Variants in ANP32B observed in about 807,000 individuals in gnomAD.
ANP32B encodes acidic leucine-rich nuclear phosphoprotein 32 family member B.
ANP32B carries 6 observed loss-of-function variants against 32.2 expected under a neutral mutation model. That is an observed-to-expected ratio of 0.19 (90% CI 0.10 to 0.37). The LOEUF (loss-of-function observed/expected upper bound fraction) is 0.37, where lower values mean the gene tolerates loss of function less well. Ranked by LOEUF, ANP32B falls within the 10% of genes least tolerant of loss-of-function variation. The probability of loss-of-function intolerance (pLI) is 1.00; values close to 1 mark genes in which losing one functional copy is unlikely to be tolerated. For synonymous variants in ANP32B, 98 were observed against 105.8 expected (o/e 0.93, Z 0.45); for missense variants, 204 against 289.2 (o/e 0.71, Z 2.14).
chr9:98,005,383 C>T lies in ANP32B; in HGVS notation c.517+230C>T, dbSNP rs578164851. ...AAAAAAAATTAGCCAGGTGTGGTGG[C>T]GCACACCTGGAGTCTTAGCTACTCA... is the stretch of plus-strand genomic sequence containing the variant. On this transcript the variant is annotated intron_variant, in intron 4 of 6. Transcript: ENST00000339399. 3.2e-4 allele frequency: 98 copies of T among 304,680 alleles called. 1 individual carries two copies. Among genetic ancestry groups the T allele is most frequent in the African/African-American group, 1.4e-3 (61 of 45,020 alleles). The allele number at this position is 304,680 out of a possible 1,614,324, so 18.9% of individuals were successfully genotyped here.
At chr9:97,989,369 G>A (rs114496378) in intron 1 of ANP32B, among the ~76,000 whole-genome samples, 61 of 152,254 alleles carry the variant, frequency 4.0e-4, no homozygotes, top group African/African-American at 1.4e-3. Context: ...AGGTAGTATG[G>A]ATTTTTCATT....
chr9:97,990,196 A>G (rs1827800446), intron 1 of ANP32B, among the ~76,000 whole-genome samples: 1 of 152,224 alleles, frequency 6.6e-6, no homozygotes, highest in African/African-American at 2.4e-5. Context: ...TAAGCCCTAA[A>G]TTCTAACTAC....
chr9:98,012,687 C>A (rs1219891376), intron 6 of ANP32B, among the ~76,000 whole-genome samples: 2 of 152,158 alleles, frequency 1.3e-5, no homozygotes, highest in African/African-American at 4.8e-5. Context: ...TGGCAAGGGT[C>A]CTGTTGGTCT....
At chr9:98,014,392 A>G (rs1466360163) in intron 6 of ANP32B, among the ~76,000 whole-genome samples, 1 of 152,002 alleles carries the variant, frequency 6.6e-6, no homozygotes, top group Non-Finnish European at 1.5e-5. Context: ...TGGGCGACGG[A>G]GCCAGAGTCT....
chr9:97,995,930 TAAAAA>T lies in ANP32B; in HGVS notation c.204+1167_204+1171del, dbSNP rs570340593. On this transcript the variant is annotated intron_variant, in intron 2 of 6. Coordinates refer to ENST00000339399, the MANE Select transcript of ANP32B (RefSeq NM_006401.3). The stretch of plus-strand genomic sequence containing the variant: ...GACAGAGCAAGACTCTGTCTCGATT[TAAAAA>T]AAAAAAAAAAAAAAAAGTATAATAC... Among the ~76,000 whole-genome samples the T allele has an allele frequency of 3.1e-3, 357 of 116,638 alleles. 5 individuals are homozygous for T. The East Asian group carries it at 0.055, about 18-fold the overall frequency. 76.5% of individuals were successfully genotyped at this position (116,638 alleles called of 152,430 possible). A position where few individuals can be genotyped will look rare whatever the true frequency, so the allele number is the denominator to read the frequency against.
chr9:97,990,662 T>C (rs2131582150), intron 1 of ANP32B, among the ~76,000 whole-genome samples: 1 of 152,280 alleles, frequency 6.6e-6, no homozygotes, highest in Non-Finnish European at 1.5e-5. Context: ...AGGTCTCAGG[T>C]ATTCATTTCC....
At chr9:98,014,372 C>T (rs983190960) in intron 6 of ANP32B, among the ~76,000 whole-genome samples, 2 of 151,756 alleles carry the variant, frequency 1.3e-5, no homozygotes, top group Admixed American at 6.6e-5. Context: ...CAAGCCACTG[C>T]ACTCCAGCCT....
intron 1 of ANP32B, among the ~76,000 whole-genome samples, chr9:97,994,248 G>A (rs1030975578): frequency 6.6e-6 from 1 of 152,162 alleles, no homozygotes; most frequent in African/African-American, 2.4e-5. Context: ...TGGGCCTTAA[G>A]GTAGACCCAG....
chr9:97,998,486 A>G (rs1827939908), intron 2 of ANP32B, 70 bp from the exon 3 acceptor site: 2 of 1,489,626 alleles, frequency 1.3e-6, no homozygotes, highest in Non-Finnish European at 9.0e-7. Flanking sequence ...TTTGTTACTT[A>G]CAATACCTTA....
At chr9:98,011,002 C>T (rs1828174021) in intron 4 of ANP32B, among the ~76,000 whole-genome samples, 1 of 152,126 alleles carries the variant, frequency 6.6e-6, no homozygotes, top group Non-Finnish European at 1.5e-5. Context: ...CTTCCCCACT[C>T]CATATAATTT....
At chr9:97,998,997 C>T (rs1189050885) in intron 3 of ANP32B, among the ~76,000 whole-genome samples, 1 of 51,434 alleles carries the variant, frequency 1.9e-5, no homozygotes, top group East Asian at 2.9e-4. Flanking sequence ...TTAGTAGAGA[C>T]GGGGTTTCAC....
chr9:97,991,865 G>A (rs79436956), intron 1 of ANP32B, among the ~76,000 whole-genome samples: 4 of 152,290 alleles, frequency 2.6e-5, no homozygotes, highest in African/African-American at 9.6e-5. Context: ...CACACACTGT[G>A]CTTTCTTAAA....
chr9:97,995,341 A>G (rs528375152), intron 2 of ANP32B, among the ~76,000 whole-genome samples: 9 of 152,322 alleles, frequency 5.9e-5, no homozygotes, highest in African/African-American at 2.2e-4. Context: ...CTAGAGCCAA[A>G]ACTAGAACCC....
At chr9:97,988,837 G>A (rs1433948730) in intron 1 of ANP32B, among the ~76,000 whole-genome samples, 1 of 152,134 alleles carries the variant, frequency 6.6e-6, no homozygotes, top group Non-Finnish European at 1.5e-5. Flanking sequence ...TTGCAAGGAT[G>A]GCAGGAATTA....
At chr9:98,006,688 G>GA (rs2131590114) in intron 4 of ANP32B, among the ~76,000 whole-genome samples, 1 of 152,302 alleles carries the variant, frequency 6.6e-6, no homozygotes, top group African/African-American at 2.4e-5. Flanking sequence ...ACAAAGCCAT[G>GA]AAACCTTCAA....
chr9:98,004,659 T>C (rs1250990507), intron 3 of ANP32B, among the ~76,000 whole-genome samples: 1 of 152,194 alleles, frequency 6.6e-6, no homozygotes, highest in Non-Finnish European at 1.5e-5. Flanking sequence ...TTAAACTGTT[T>C]GATTGTCTCA....
intron 2 of ANP32B, among the ~76,000 whole-genome samples, chr9:97,996,396 A>G (rs529507927): frequency 6.6e-6 from 1 of 151,756 alleles, no homozygotes; most frequent in East Asian, 1.9e-4. Flanking sequence ...GAGTTCTGAG[A>G]AGGACAGGGT....
intron 6 of ANP32B, 131 bp downstream of exon 6, chr9:98,012,603 T>C: frequency 7.6e-7 from 1 of 1,322,446 alleles, no homozygotes; most frequent in Non-Finnish European, 1.0e-6. Context: ...ATTCACATTC[T>C]CGTTTCTATC....
At chr9:97,989,510 G>C (rs1827789732) in intron 1 of ANP32B, among the ~76,000 whole-genome samples, 1 of 152,084 alleles carries the variant, frequency 6.6e-6, no homozygotes, top group African/African-American at 2.4e-5. Context: ...TTAACTCTTG[G>C]ATCAAATAGA....
Sources: gnomAD v4.1 joint callset for allele counts (sites outside exome capture counted in the v4.1 genomes callset) on GRCh38, gnomAD v4.1.1 for gene constraint, MANE v1.5 for transcripts, NCBI Gene and HGNC (gene_info 2026-07-23, HGNC 2026-07-21) for gene names.